Variants in LAMA1 observed in about 807,000 individuals in gnomAD.
LAMA1 encodes the protein laminin subunit alpha 1.
A neutral mutation model predicts 348.7 loss-of-function variants in LAMA1; 219 were observed. That is an observed-to-expected ratio of 0.63 (90% confidence interval 0.56 to 0.70). LAMA1 has a LOEUF of 0.70. LAMA1 is among the 30% of genes least tolerant of loss of function. The probability of loss-of-function intolerance (pLI) is 0.00; values close to 1 mark genes in which losing one functional copy is unlikely to be tolerated. For missense variants in LAMA1, 3,744 were observed against 3,888.0 expected (o/e 0.96, Z 0.99); for synonymous variants, 1,487 against 1,491.0 (o/e 1.00, Z 0.06).
At chr18:6,998,865 T>A (rs2057794443) in intron 32 of LAMA1, among the ~76,000 whole-genome samples, 1 of 152,096 alleles carries the variant, frequency 6.6e-6, no homozygotes, top group Admixed American at 6.5e-5. Context: ...AAACCCTGTC[T>A]CTACTAAAAA....
chr18:7,098,600 A>C (rs1309385509), intron 1 of LAMA1, among the ~76,000 whole-genome samples: 15 of 122,210 alleles, frequency 1.2e-4, no homozygotes, highest in Middle Eastern at 6.3e-3. Context: ...AAGTGAGGAG[A>C]CCCTCTGCCC....
chr18:6,976,229 A>T (rs2144037531), intron 44 of LAMA1, 149 bp from the exon 45 acceptor site: 1 of 750,564 alleles, frequency 1.3e-6, no homozygotes, highest in East Asian at 2.6e-5. Flanking sequence ...TCATGAAGTG[A>T]CATATCAGAT....
At chr18:7,085,679 A>G (rs1245916579) in intron 1 of LAMA1, among the ~76,000 whole-genome samples, 1 of 151,820 alleles carries the variant, frequency 6.6e-6, no homozygotes, top group Non-Finnish European at 1.5e-5. Flanking sequence ...CAGCCTCCCA[A>G]AGTGCTGGGA....
chr18:6,997,897 T>C lies in LAMA1; in HGVS notation c.4664-13A>G, dbSNP rs755003402. Reference sequence around the variant, plus strand: ...TCATCATCACAGGCTACAAGACAAATTTTTAAAAAGGAGAGTTAAAGTTAA... The same window carrying C: ...TCATCATCACAGGCTACAAGACAAACTTTTAAAAAGGAGAGTTAAAGTTAA... On this transcript the variant is annotated splice_polypyrimidine_tract_variant and intron_variant, in intron 32 of 62. Coordinates refer to ENST00000389658, the MANE Select transcript of LAMA1 (RefSeq NM_005559.4). The C allele has an allele frequency of 6.8e-6, 11 of 1,613,514 alleles. No homozygotes were observed. The highest frequency in any genetic ancestry group is 9.3e-6 in the Non-Finnish European group (11 of 1,179,900).
intron 5 of LAMA1, among the ~76,000 whole-genome samples, chr18:7,048,564 T>C (rs943525394): frequency 6.6e-6 from 1 of 152,166 alleles, no homozygotes; most frequent in African/African-American, 2.4e-5. Context: ...ATACAACTAC[T>C]TTTTATATAA....
At chr18:6,942,305 A>C in intron 62 of LAMA1, 66 bp from the exon 63 acceptor site, 1 of 1,538,076 alleles carries the variant, frequency 6.5e-7, no homozygotes, top group Non-Finnish European at 8.9e-7. Context: ...ATAGCACAAA[A>C]GCAACAGAAA....
intron 18 of LAMA1, among the ~76,000 whole-genome samples, chr18:7,024,000 G>C (rs754740232): frequency 6.6e-6 from 1 of 151,646 alleles, no homozygotes; most frequent in African/African-American, 2.4e-5. Context: ...CGTCATGCCC[G>C]GCCTTTTGTT....
chr18:7,093,072 A>G (rs1465550767), intron 1 of LAMA1, among the ~76,000 whole-genome samples: 4 of 152,184 alleles, frequency 2.6e-5, no homozygotes, highest in East Asian at 1.9e-4. Context: ...CTGTGTACCC[A>G]ACACTTCCTT....
chr18:7,065,870 T>C (rs2058120837), intron 3 of LAMA1, among the ~76,000 whole-genome samples: 1 of 152,232 alleles, frequency 6.6e-6, no homozygotes. Flanking sequence ...ACAGTTTTCC[T>C]AGCTTCATTT....
At chr18:7,098,181 C>T (rs1186912539) in intron 1 of LAMA1, among the ~76,000 whole-genome samples, 2 of 151,886 alleles carry the variant, frequency 1.3e-5, no homozygotes, top group Non-Finnish European at 1.5e-5. Context: ...AGTGCAGTGG[C>T]GTGATCTCGG....
intron 1 of LAMA1, among the ~76,000 whole-genome samples, chr18:7,101,217 C>G (rs2058290051): frequency 6.6e-6 from 1 of 152,152 alleles, no homozygotes; most frequent in Non-Finnish European, 1.5e-5. Context: ...AAACTGTACA[C>G]TTAACAATTG....
rs528099001 is a variant in LAMA1 at position 7,029,376 on chromosome 18, T to C, written c.2274+2690A>G. On this transcript the variant is annotated intron_variant, in intron 16 of 62. Coordinates refer to ENST00000389658, the MANE Select transcript of LAMA1 (RefSeq NM_005559.4). ...CCAAATTAATTCAAGATGCAACTGG[T>C]CTTAGTAAAGGGTTACATGGTTGAG... 1.1e-4 allele frequency among the ~76,000 whole-genome samples: 16 copies of C among 152,346 alleles called. No homozygotes were observed. The South Asian group carries it at 2.5e-3, about 24-fold the overall frequency.
In LAMA1 at chr18:7,057,531, A is replaced by G. The variant is rs143789243; in HGVS notation, c.346-6595T>C. Among the ~76,000 whole-genome samples, 394 of 140,392 alleles carry G rather than the reference A, an allele frequency of 2.8e-3. 3 individuals carry two copies. Among genetic ancestry groups the G allele is most frequent in the African/African-American group, 0.01 (372 of 37,118 alleles). 92.1% of individuals were successfully genotyped at this position (140,392 alleles called of 152,430 possible). On this transcript the variant is annotated intron_variant, in intron 3 of 62. Transcript: ENST00000389658. Reference sequence around the variant, plus strand: ...ACTCTATCACCCAGGCTGGAGTGCAATGGCGTGGTCACAGCTCACTACAGC... The same window carrying G: ...ACTCTATCACCCAGGCTGGAGTGCAGTGGCGTGGTCACAGCTCACTACAGC...
In LAMA1 at chr18:6,986,554, C is replaced by CTTT. The variant is rs71165711; in HGVS notation, c.5169-210_5169-208dup. Among the ~76,000 whole-genome samples the CTTT allele has an allele frequency of 8.1e-4, 119 of 146,282 alleles. No homozygotes were observed. In the South Asian group the frequency reaches 9.3e-3, roughly 11 times the overall value. On this transcript the variant is annotated intron_variant, in intron 36 of 62. Coordinates refer to ENST00000389658, the MANE Select transcript of LAMA1 (RefSeq NM_005559.4). ...TTATATTTTATCCTTAACAAATTGT[C>CTTT]TTTTTTTTTTTTTAGTGGTGCATCT...
intron 23 of LAMA1, among the ~76,000 whole-genome samples, chr18:7,012,517 ATTAT>A (rs1246574694): frequency 6.8e-6 from 1 of 147,956 alleles, no homozygotes; most frequent in Non-Finnish European, 1.5e-5. Flanking sequence ...TATTATTATT[ATTAT>A]TTAAGACAGA....
chr18:6,998,639 C>T (rs987452363), intron 32 of LAMA1, among the ~76,000 whole-genome samples: 1 of 152,212 alleles, frequency 6.6e-6, no homozygotes, highest in African/African-American at 2.4e-5. Flanking sequence ...TCCTAACAGG[C>T]CTCCCTATCT....
intron 1 of LAMA1, among the ~76,000 whole-genome samples, chr18:7,109,975 A>T (rs952558049): frequency 1.1e-4 from 16 of 152,190 alleles, no homozygotes; most frequent in Non-Finnish European, 2.4e-4. Flanking sequence ...CAAGGTCAGG[A>T]GATCGAGACC....
chr18:7,030,832 C>A (rs2057965659), intron 16 of LAMA1, among the ~76,000 whole-genome samples: 1 of 140,558 alleles, frequency 7.1e-6, no homozygotes, highest in Non-Finnish European at 1.6e-5. Flanking sequence ...TGCTGTACCC[C>A]CCACCCCACC....
At chr18:7,038,476 G>C in intron 11 of LAMA1, 1 of 390,822 alleles carries the variant, frequency 2.6e-6, no homozygotes, top group Non-Finnish European at 4.8e-6. Context: ...ACGGCCCTCT[G>C]GGCTCCCAGG....
Sources: allele counts gnomAD v4.1 joint callset (sites outside exome capture counted in the v4.1 genomes callset), GRCh38; gene constraint gnomAD v4.1.1; transcripts MANE v1.5; gene names NCBI Gene and HGNC (gene_info 2026-07-23, HGNC 2026-07-21).